Variants in LAMA2 observed in about 807,000 individuals in gnomAD.
LAMA2 encodes laminin subunit alpha-2.
LAMA2 carries 269 observed loss-of-function variants against 364.8 expected under a neutral mutation model. The observed-to-expected ratio is 0.74, with a 90% CI of 0.67 to 0.82. The LOEUF (loss-of-function observed/expected upper bound fraction) is 0.82, where lower values mean the gene tolerates loss of function less well. LAMA2 is among the 40% of genes least tolerant of loss of function. LAMA2 has a pLI of 0.00. For missense variants in LAMA2, 3,807 were observed against 3,873.2 expected (o/e 0.98, Z 0.45); for synonymous variants, 1,379 against 1,370.6 (o/e 1.01, Z -0.14).
At chr6:128,987,105 A>G (rs1035727773) in intron 1 of LAMA2, among the ~76,000 whole-genome samples, 10 of 123,240 alleles carry the variant, frequency 8.1e-5, no homozygotes, top group African/African-American at 2.2e-4. Flanking sequence ...GCTTTTTGTC[A>G]TTGCATCTTT....
intron 8 of LAMA2, among the ~76,000 whole-genome samples, chr6:129,159,447 G>A (rs185108901): frequency 6.6e-6 from 1 of 152,314 alleles, no homozygotes; most frequent in African/African-American, 2.4e-5. Context: ...GCAGGGTGAT[G>A]GAGGCGCCCC....
rs1780038700 is a variant in LAMA2, at chr6:129,402,506, G to T, written c.5726+19G>T. ...TTGATGGGTATGTCATTTGTTTTTG[G>T]AAATGTTTGTGTATTTTGATGCTTG... On this transcript the variant is annotated intron_variant, in intron 39 of 64. Transcript: ENST00000421865. 6.2e-7 allele frequency: 1 copy of T among 1,612,560 alleles called. No homozygotes were observed. The highest frequency in any genetic ancestry group is 8.5e-7 in the Non-Finnish European group (1 of 1,178,852).
chr6:129,404,216 A>C (rs1041113443), intron 40 of LAMA2, among the ~76,000 whole-genome samples: 1 of 152,212 alleles, frequency 6.6e-6, no homozygotes, highest in South Asian at 2.1e-4. Context: ...ACCAACTCAC[A>C]AAATAAAACA....
chr6:128,954,048 T>A (rs1269296070), intron 1 of LAMA2, among the ~76,000 whole-genome samples: 1 of 152,158 alleles, frequency 6.6e-6, no homozygotes. Context: ...ACAGAGAAGT[T>A]AGGTCAAGAT....
Position 128,946,274 on chromosome 6 carries a change from A to G in LAMA2, c.112+62917A>G, listed in dbSNP as rs569284679. On this transcript the variant is annotated intron_variant, in intron 1 of 64. Transcript: ENST00000421865. ...AAACCGAATTGCATTTAATACACCTAACCTACTGAACATCATAGTTTAGCC... is the reference window on the plus strand; with the variant it reads ...AAACCGAATTGCATTTAATACACCTGACCTACTGAACATCATAGTTTAGCC... Among the ~76,000 whole-genome samples the G allele has an allele frequency of 2.0e-5, 3 of 152,342 alleles. No homozygotes were observed. The East Asian group carries it at 5.8e-4, about 29-fold the overall frequency.
chr6:129,220,773 T>C (rs1036951710), intron 12 of LAMA2, among the ~76,000 whole-genome samples: 1 of 152,232 alleles, frequency 6.6e-6, no homozygotes, highest in Non-Finnish European at 1.5e-5. Context: ...TTTAGTATGC[T>C]CAGCCACTGA....
intron 41 of LAMA2, among the ~76,000 whole-genome samples, chr6:129,438,153 C>A (rs1264195283): frequency 1.3e-5 from 2 of 151,596 alleles, no homozygotes; most frequent in East Asian, 3.9e-4. Flanking sequence ...TTTTCCATTT[C>A]TTTAATGTGT....
In LAMA2 at chr6:129,366,353, G is replaced by A. The variant is rs1777775912; in HGVS notation, c.4852G>A (p.Glu1618Lys). Residue 1618 changes from glutamate to lysine, a missense_variant, in exon 33 of 65, where the codon GAG becomes AAG. Glu to Lys is a moderately conservative substitution (Grantham distance 56). Coordinates refer to ENST00000421865, the MANE Select transcript of LAMA2 (RefSeq NM_000426.4). Reference protein sequence around the residue: ...MLYGLENMTQELKHLLSPQRA... With the variant: ...MLYGLENMTQKLKHLLSPQRA... ...GTATGGTCTTGAAAATATGACTCAG[G>A]AGCTAAAGGTAGGTTGGTGCAGTCA... is the stretch of plus-strand genomic sequence containing the variant. The A allele has an allele frequency of 1.9e-6, 3 of 1,613,564 alleles. No individual in the cohort carries two copies. The highest frequency in any genetic ancestry group is 1.3e-5 in the African/African-American group (1 of 74,844).
Position 129,342,433 on chromosome 6 carries a change from C to A in LAMA2, c.4402C>A (p.Gln1468Lys), listed in dbSNP as rs911570630. The change falls in exon 30 of 65, where the codon CAA becomes AAA. Residue 1468 changes from glutamine to lysine, a missense_variant. Transcript: ENST00000421865. ...CAAGGGATTGCCAAATGACTGTCAG[C>A]AATGTGCCTGCCCTCTGATTTCTTC... Reference protein sequence around the residue: ...IVKGLPNDCQQCACPLISSSN... With the variant: ...IVKGLPNDCQKCACPLISSSN... 8 of 1,613,274 alleles carry A rather than the reference C, an allele frequency of 5.0e-6. No homozygotes were observed. Among genetic ancestry groups the A allele is most frequent in the Non-Finnish European group, 5.9e-6 (7 of 1,179,474 alleles).
chr6:128,932,405 G>C (rs576714215), intron 1 of LAMA2, among the ~76,000 whole-genome samples: 1 of 152,290 alleles, frequency 6.6e-6, no homozygotes, highest in African/African-American at 2.4e-5. Context: ...ACCTTAAACT[G>C]TTACCAAACA....
chr6:129,154,472 T>C (rs751440460), intron 7 of LAMA2, 33 bp from the exon 8 acceptor site: 1 of 1,549,874 alleles, frequency 6.5e-7, no homozygotes, highest in Non-Finnish European at 8.9e-7. Flanking sequence ...GAAATCAAAT[T>C]GATGTTTATT....
chr6:129,256,763 CATATATATATATAT>C (rs199726173), intron 14 of LAMA2, among the ~76,000 whole-genome samples: 8,940 of 87,970 alleles, frequency 0.1, 589 homozygotes, highest in Non-Finnish European at 0.15. Context: ...AATTATATAG[CATATATATATATAT>C]ATATATATAT....
At chr6:128,897,114 C>A (rs1301661704) in intron 1 of LAMA2, among the ~76,000 whole-genome samples, 4 of 152,184 alleles carry the variant, frequency 2.6e-5, no homozygotes, top group Non-Finnish European at 5.9e-5. Context: ...CTAGGTAGTT[C>A]TACTTTGTGG....
chr6:128,907,112 G>A (rs1345735060), intron 1 of LAMA2, among the ~76,000 whole-genome samples: 269 of 143,330 alleles, frequency 1.9e-3, no homozygotes, highest in African/African-American at 3.0e-3. Flanking sequence ...TTGACTTGGC[G>A]ATGCGGGCTC....
chr6:129,149,145 A>G, intron 7 of LAMA2, 49 bp downstream of exon 7: 1 of 1,179,090 alleles, frequency 8.5e-7, no homozygotes, highest in East Asian at 2.3e-5. Flanking sequence ...CTTTCCAAGA[A>G]AAAAAGCCAG....
intron 1 of LAMA2, among the ~76,000 whole-genome samples, chr6:128,950,799 A>G (rs1431532424): frequency 6.6e-6 from 1 of 152,060 alleles, no homozygotes; most frequent in Admixed American, 6.6e-5. Context: ...ATCTGCACAT[A>G]TGTTTATTAT....
intron 32 of LAMA2, 47 bp downstream of exon 32, chr6:129,353,404 T>G: frequency 6.6e-7 from 1 of 1,510,220 alleles, no homozygotes; most frequent in Non-Finnish European, 9.2e-7. Context: ...TTGATTCCAG[T>G]TCTGTCTCAT....
intron 1 of LAMA2, among the ~76,000 whole-genome samples, chr6:128,883,872 T>C (rs1026044630): frequency 1.2e-4 from 18 of 151,788 alleles, no homozygotes; most frequent in African/African-American, 4.4e-4. Context: ...AACTTTGTTT[T>C]CAACTTTTAA....
chr6:129,250,226 G>C lies in LAMA2; in HGVS notation c.1884+13G>C. 6.9e-7 allele frequency: 1 copy of C among 1,449,148 alleles called. No individual in the cohort carries two copies. The allele number at this position is 1,449,148 out of a possible 1,614,324, so 89.8% of individuals were successfully genotyped here. A position where few individuals can be genotyped will look rare whatever the true frequency, so the allele number is the denominator to read the frequency against. On this transcript the variant is annotated intron_variant, in intron 13 of 64. Transcript: ENST00000421865. ...GATTATCTTAGAGGTAGAGTACTGA[G>C]AGCATGTTCACCCGTGTTACTTCCT...
Sources: gnomAD v4.1 joint callset for allele counts (sites outside exome capture counted in the v4.1 genomes callset) on GRCh38, gnomAD v4.1.1 for gene constraint, MANE v1.5 for transcripts, NCBI Gene and HGNC (gene_info 2026-07-23, HGNC 2026-07-21) for gene names.